The following CAMK1D variants were observed in gnomAD, a reference collection of about 807,000 sequenced individuals.
The protein encoded by CAMK1D is calcium/calmodulin dependent protein kinase ID.
Under a neutral mutation model 47.7 loss-of-function variants are expected in CAMK1D, and 9 were observed. That is an observed-to-expected ratio of 0.19 (90% confidence interval 0.11 to 0.33). CAMK1D has a LOEUF of 0.33. Ranked by LOEUF, CAMK1D falls within the 10% of genes least tolerant of loss-of-function variation. The probability of loss-of-function intolerance (pLI) is 1.00; values close to 1 mark genes in which losing one functional copy is unlikely to be tolerated. For missense variants in CAMK1D, 291 were observed against 488.7 expected (o/e 0.60, Z 3.81); for synonymous variants, 184 against 184.9 (o/e 0.99, Z 0.04).
At chr10:12,748,184 C>T (rs1041397388) in intron 3 of CAMK1D, among the ~76,000 whole-genome samples, 2 of 152,156 alleles carry the variant, frequency 1.3e-5, no homozygotes, top group Non-Finnish European at 2.9e-5. Flanking sequence ...TAAACTCTTC[C>T]TGTTCTTTTT....
intron 1 of CAMK1D, among the ~76,000 whole-genome samples, chr10:12,444,491 C>T (rs986602354): frequency 8.5e-5 from 13 of 152,178 alleles, no homozygotes; most frequent in African/African-American, 2.9e-4. Context: ...CCCAGGACGT[C>T]CTGTGAACAT....
chr10:12,774,248 A>T (rs887685928), intron 5 of CAMK1D, among the ~76,000 whole-genome samples: 1 of 151,948 alleles, frequency 6.6e-6, no homozygotes, highest in African/African-American at 2.4e-5. Context: ...AAAAGATGAT[A>T]AGAAGTTTGT....
intron 2 of CAMK1D, among the ~76,000 whole-genome samples, chr10:12,609,359 C>T (rs1010901745): frequency 6.6e-6 from 1 of 152,134 alleles, no homozygotes; most frequent in African/African-American, 2.4e-5. Flanking sequence ...GAAATGGTTT[C>T]GAGATGATTC....
At chr10:12,368,494 C>T (rs1235552652) in intron 1 of CAMK1D, among the ~76,000 whole-genome samples, 1 of 152,144 alleles carries the variant, frequency 6.6e-6, no homozygotes, top group Non-Finnish European at 1.5e-5. Flanking sequence ...CAAATCCTAA[C>T]TGTGTCATTC....
chr10:12,707,675 C>A (rs532648313), intron 3 of CAMK1D, among the ~76,000 whole-genome samples: 9 of 152,334 alleles, frequency 5.9e-5, no homozygotes, highest in Admixed American at 4.6e-4. Context: ...ATTTATTCAA[C>A]ATGATAGTTT....
At chr10:12,618,636 A>G (rs1838896854) in intron 2 of CAMK1D, among the ~76,000 whole-genome samples, 1 of 152,088 alleles carries the variant, frequency 6.6e-6, no homozygotes, top group Non-Finnish European at 1.5e-5. Flanking sequence ...GCATTGCCAG[A>G]GTATTTTATT....
intron 1 of CAMK1D, among the ~76,000 whole-genome samples, chr10:12,458,195 C>A (rs142099719): frequency 7.7e-4 from 117 of 152,188 alleles, no homozygotes; most frequent in African/African-American, 2.8e-3. Context: ...TTGCACATGC[C>A]GAGGATACAG....
intron 2 of CAMK1D, among the ~76,000 whole-genome samples, chr10:12,602,101 C>A (rs1197184519): frequency 6.6e-6 from 1 of 152,196 alleles, no homozygotes; most frequent in Non-Finnish European, 1.5e-5. Flanking sequence ...CCTCATACTC[C>A]CCGAAGAACT....
At chr10:12,441,966 A>T (rs1387515792) in intron 1 of CAMK1D, among the ~76,000 whole-genome samples, 2 of 152,230 alleles carry the variant, frequency 1.3e-5, no homozygotes, top group Non-Finnish European at 2.9e-5. Flanking sequence ...CACAGAATGG[A>T]TTGGAAGTTG....
At chr10:12,826,324 G>C (rs559526152) in intron 10 of CAMK1D, among the ~76,000 whole-genome samples, 1 of 152,228 alleles carries the variant, frequency 6.6e-6, no homozygotes, top group Admixed American at 6.5e-5. Context: ...TGCGGATTGA[G>C]GAAGGGAGAG....
chr10:12,574,110 T>C (rs1315667883), intron 2 of CAMK1D, among the ~76,000 whole-genome samples: 1 of 152,232 alleles, frequency 6.6e-6, no homozygotes, highest in African/African-American at 2.4e-5. Flanking sequence ...CTTTAAAGAC[T>C]TGACAATGAT....
Position 12,828,928 on chromosome 10 carries a change from G to T in CAMK1D, c.*41G>T. 3 of 1,445,268 alleles carry T rather than the reference G, an allele frequency of 2.1e-6. No homozygotes were observed. Among genetic ancestry groups the T allele is most frequent in the Non-Finnish European group, 2.8e-6 (3 of 1,074,556 alleles). The allele number at this position is 1,445,268 out of a possible 1,614,324, so 89.5% of individuals were successfully genotyped here. A position where few individuals can be genotyped will look rare whatever the true frequency, so the allele number is the denominator to read the frequency against. The stretch of plus-strand genomic sequence containing the variant: ...GGGCCCGGGGTCGGGGCTGGGGAAG[G>T]GGAGCCCCAGGGTCGCCAGAGCCGC... On this transcript the variant is annotated 3_prime_UTR_variant, in exon 11 of 11. Coordinates refer to ENST00000619168, the MANE Select transcript of CAMK1D (RefSeq NM_153498.4).
chr10:12,820,441 T>C (rs1324495910), intron 8 of CAMK1D, among the ~76,000 whole-genome samples: 1 of 152,264 alleles, frequency 6.6e-6, no homozygotes, highest in East Asian at 1.9e-4. Context: ...CTTCTCTCTT[T>C]TATGTAACAT....
rs530742538 is a variant in CAMK1D, at chr10:12,536,637, G to C, written c.93-16588G>C. 7.2e-5 allele frequency among the ~76,000 whole-genome samples: 11 copies of C among 152,308 alleles called. No homozygotes were observed. In the East Asian group the frequency reaches 2.1e-3, roughly 29 times the overall value. ...TCCAGAGGCAACCTTTACTCGAAGA[G>C]GGGGGTGTATCCTAATGGTGTGTCT... On this transcript the variant is annotated intron_variant, in intron 1 of 10. Coordinates refer to ENST00000619168, the MANE Select transcript of CAMK1D (RefSeq NM_153498.4).
chr10:12,695,087 C>G (rs1352985049), intron 3 of CAMK1D, among the ~76,000 whole-genome samples: 1 of 120,438 alleles, frequency 8.3e-6, no homozygotes, highest in Non-Finnish European at 1.9e-5. Flanking sequence ...TACATAGATA[C>G]ATAGATATAG....
intron 3 of CAMK1D, among the ~76,000 whole-genome samples, chr10:12,705,434 C>A (rs1057478149): frequency 5.9e-5 from 9 of 151,838 alleles, no homozygotes; most frequent in African/African-American, 2.2e-4. Context: ...GCACTCCAGC[C>A]TAGGTGACAA....
chr10:12,426,515 G>T (rs972239216), intron 1 of CAMK1D, among the ~76,000 whole-genome samples: 1 of 152,204 alleles, frequency 6.6e-6, no homozygotes, highest in African/African-American at 2.4e-5. Flanking sequence ...AAAGTGCTGG[G>T]ATTACAGGCG....
chr10:12,754,789 C>T (rs1410612907), intron 3 of CAMK1D, among the ~76,000 whole-genome samples: 1 of 152,166 alleles, frequency 6.6e-6, no homozygotes, highest in Non-Finnish European at 1.5e-5. Flanking sequence ...AGTGTCTCTT[C>T]CTCTTTGTGT....
At chr10:12,372,449 G>A (rs1015107848) in intron 1 of CAMK1D, among the ~76,000 whole-genome samples, 6 of 152,190 alleles carry the variant, frequency 3.9e-5, no homozygotes, top group African/African-American at 1.4e-4. Context: ...CAAAGCCAGT[G>A]CTCCCAGCCA....
Sources: allele counts gnomAD v4.1 joint callset (sites outside exome capture counted in the v4.1 genomes callset), GRCh38; gene constraint gnomAD v4.1.1; transcripts MANE v1.5; gene names NCBI Gene and HGNC (gene_info 2026-07-23, HGNC 2026-07-21).